NAGPA: variants seen among roughly 807,000 people sequenced by gnomAD.
The protein encoded by NAGPA is alpha-N-acetylglucosaminyl phosphodiesterase.
A neutral mutation model predicts 48.5 loss-of-function variants in NAGPA; 56 were observed. That is an observed-to-expected ratio of 1.15 (90% CI 0.93 to 1.44). The LOEUF is 1.44. NAGPA is among the 40% of genes most tolerant of loss of function. The pLI, the probability that NAGPA is intolerant of heterozygous loss-of-function variation, is 0.00. For synonymous variants in NAGPA, 399 were observed against 315.5 expected (o/e 1.26, Z -2.81); for missense variants, 888 against 735.0 (o/e 1.21, Z -2.41).
intron 2 of NAGPA, 108 bp from the exon 3 acceptor site, chr16:5,031,992 C>G (rs1348596169): frequency 6.8e-7 from 1 of 1,467,054 alleles, no homozygotes; most frequent in Non-Finnish European, 9.5e-7. Flanking sequence ...CCCCCTCATG[C>G]CCCAGGAACC....
chr16:5,031,522 G>A, intron 3 of NAGPA: 1 of 597,688 alleles, frequency 1.7e-6, no homozygotes, highest in South Asian at 2.0e-5. Flanking sequence ...CTTTATTTTT[G>A]TTTCTGAGCA....
intron 2 of NAGPA, among the ~76,000 whole-genome samples, chr16:5,032,521 A>G (rs1223365576): frequency 6.6e-6 from 1 of 151,344 alleles, no homozygotes; most frequent in African/African-American, 2.4e-5. Flanking sequence ...TCTACTAAAA[A>G]TACAAAAATC....
chr16:5,033,736 G>A lies in NAGPA; in HGVS notation c.87-8C>T. Reference sequence around the variant, plus strand: ...TCGTCGTCGCGGGAGGCCCTGCGGGGACGGGCGGCCGTGAGCTCAGGGGGC... The same window carrying A: ...TCGTCGTCGCGGGAGGCCCTGCGGGAACGGGCGGCCGTGAGCTCAGGGGGC... On this transcript the variant is annotated splice_polypyrimidine_tract_variant and splice_region_variant and intron_variant, in intron 1 of 9. Transcript: ENST00000312251. This position sits in a 1 kb window ranked among gnomAD's most constrained non-coding sequence, Gnocchi z 4.2. 6.2e-7 allele frequency: 1 copy of A among 1,601,656 alleles called. No individual in the cohort carries two copies. Among genetic ancestry groups the A allele is most frequent in the South Asian group, 1.1e-5 (1 of 89,642 alleles).
In NAGPA at chr16:5,025,321, A is replaced by C; in HGVS notation, c.*157T>G. On this transcript the variant is annotated 3_prime_UTR_variant, in exon 10 of 10. Coordinates refer to ENST00000312251, the MANE Select transcript of NAGPA (RefSeq NM_016256.4). ...AGGTGCCCTGGCAGGTGGCCAGGTG[A>C]GGGGCTGAGGCACAAGTGCTATCAG... The C allele has an allele frequency of 1.2e-6, 1 of 850,650 alleles. No homozygotes were observed. Among genetic ancestry groups the C allele is most frequent in the Non-Finnish European group, 1.9e-6 (1 of 536,548 alleles). The allele number at this position is 850,650 out of a possible 1,614,324, so 52.7% of individuals were successfully genotyped here.
intron 4 of NAGPA, 103 bp downstream of exon 4, chr16:5,030,282 C>T (rs1956076183): frequency 1.8e-6 from 2 of 1,085,622 alleles, no homozygotes; most frequent in South Asian, 1.3e-5. Flanking sequence ...TAGGTGTCAA[C>T]ATCCCAGAAA....
chr16:5,029,277 T>A, intron 4 of NAGPA: 1 of 499,528 alleles, frequency 2.0e-6, no homozygotes, highest in Non-Finnish European at 3.6e-6. Flanking sequence ...CACAGGAGTG[T>A]TCAACACAGA....
chr16:5,030,985 A>AG (rs1418868254), intron 3 of NAGPA: 3 of 218,894 alleles, frequency 1.4e-5, no homozygotes, highest in Non-Finnish European at 2.8e-5. Context: ...GCTGGAGTGC[A>AG]GTGGCATGAT....
chr16:5,028,656 A>C, intron 5 of NAGPA: 2 of 663,410 alleles, frequency 3.0e-6, no homozygotes, highest in Non-Finnish European at 5.2e-6. Context: ...CCTCCTTCAG[A>C]TCTCAGTTCT....
At chr16:5,027,005 G>T in intron 9 of NAGPA, 130 bp downstream of exon 9, 1 of 1,151,872 alleles carries the variant, frequency 8.7e-7, no homozygotes, top group Non-Finnish European at 1.3e-6. Flanking sequence ...AGTGGGGAGA[G>T]CTGGTCCCGC....
chr16:5,030,329 C>T (rs767037726), intron 4 of NAGPA, 56 bp downstream of exon 4: 6 of 1,480,966 alleles, frequency 4.1e-6, no homozygotes, highest in South Asian at 2.4e-5. Flanking sequence ...ATTGGGTCAA[C>T]GTTCCTCCTA....
chr16:5,030,262 G>C (rs562578202), intron 4 of NAGPA, 123 bp downstream of exon 4: 12 of 882,078 alleles, frequency 1.4e-5, no homozygotes, highest in Non-Finnish European at 1.8e-5. Context: ...GCCCTGGGAG[G>C]GGGGACAGAT....
intron 5 of NAGPA, 191 bp from the exon 6 acceptor site, chr16:5,028,376 A>T: frequency 8.9e-7 from 1 of 1,120,006 alleles, no homozygotes; most frequent in Non-Finnish European, 1.3e-6. Context: ...CTGTAACCGT[A>T]AGGTGTGCAC....
In NAGPA at chr16:5,031,237, C is replaced by T. The variant is rs546101152; in HGVS notation, c.682+508G>A. ...GGTGTTAGCCACCACACCTAGCTTA[C>T]TGCCCACTCTAAAATGGTCATGGTA... On this transcript the variant is annotated intron_variant, in intron 3 of 9. Transcript: ENST00000312251. 2.0e-5 allele frequency: 4 copies of T among 196,536 alleles called. No individual in the cohort carries two copies. The East Asian group carries it at 5.1e-4, about 25-fold the overall frequency. The allele number at this position is 196,536 out of a possible 1,614,324, so 12.2% of individuals were successfully genotyped here. A position where few individuals can be genotyped will look rare whatever the true frequency, so the allele number is the denominator to read the frequency against.
chr16:5,028,847 C>A, intron 5 of NAGPA, 33 bp downstream of exon 5: 2 of 1,613,692 alleles, frequency 1.2e-6, no homozygotes, highest in South Asian at 1.1e-5. Context: ...ACCTGGACTT[C>A]AGCCCTCACG....
At chr16:5,031,651 G>A in intron 3 of NAGPA, 94 bp downstream of exon 3, 1 of 1,540,150 alleles carries the variant, frequency 6.5e-7, no homozygotes, top group Admixed American at 1.7e-5. Flanking sequence ...CAAAGTAGCT[G>A]CTCAATACTT....
chr16:5,026,506 C>T (rs888732805), intron 9 of NAGPA, among the ~76,000 whole-genome samples: 1 of 151,838 alleles, frequency 6.6e-6, no homozygotes, highest in African/African-American at 2.4e-5. Flanking sequence ...TGCACTCCAG[C>T]CTAGGCAACA....
In NAGPA at chr16:5,025,131, G is replaced by A. The variant is rs920597450; in HGVS notation, c.*347C>T. ...CCAGGATGTGCTGTTCTGTCATGACGTGGTCACTGAGTCTGGTTCGTTGGC... is the reference window on the plus strand; with the variant it reads ...CCAGGATGTGCTGTTCTGTCATGACATGGTCACTGAGTCTGGTTCGTTGGC... On this transcript the variant is annotated 3_prime_UTR_variant, in exon 10 of 10. Transcript: ENST00000312251. 3 of 376,284 alleles carry A rather than the reference G, an allele frequency of 8.0e-6. No individual in the cohort carries two copies. The highest frequency in any genetic ancestry group is 3.7e-5 in the Admixed American group (1 of 26,734). The allele number at this position is 376,284 out of a possible 1,614,324, so 23.3% of individuals were successfully genotyped here.
At chr16:5,026,517 G>C (rs1490678678) in intron 9 of NAGPA, among the ~76,000 whole-genome samples, 1 of 152,026 alleles carries the variant, frequency 6.6e-6, no homozygotes, top group African/African-American at 2.4e-5. Context: ...CTAGGCAACA[G>C]AGTGAGACCC....
rs1357400606 is a variant in NAGPA, at chr16:5,033,493, C to G, written c.322G>C (p.Glu108Gln). 2 of 1,564,362 alleles carry G rather than the reference C, an allele frequency of 1.3e-6. No individual in the cohort carries two copies. The highest frequency in any genetic ancestry group is 8.6e-7 in the Non-Finnish European group (1 of 1,163,688). ...VEPLRTFSVL[E>Q]PGGPGGCAAR... ...GCGCAGCCGCCGGGTCCACCGGGCT[C>G]CAGCACCGAGAAGGTGCGCAGGGGC... The change falls in exon 2 of 10, where the codon GAG becomes CAG. Residue 108 changes from glutamate to glutamine, a missense_variant. Coordinates refer to ENST00000312251, the MANE Select transcript of NAGPA (RefSeq NM_016256.4). This position sits in a 1 kb window ranked among gnomAD's most constrained non-coding sequence, Gnocchi z 4.2.
Sources: allele counts gnomAD v4.1 joint callset (sites outside exome capture counted in the v4.1 genomes callset), GRCh38; gene constraint gnomAD v4.1.1; non-coding constraint Gnocchi (gnomAD v3.1); transcripts MANE v1.5; gene names NCBI Gene and HGNC (gene_info 2026-07-23, HGNC 2026-07-21).